RDH10: variants seen among roughly 807,000 people sequenced by gnomAD.
RDH10 encodes the protein retinol dehydrogenase 10.
In RDH10, 12 loss-of-function variants were observed where a neutral mutation model predicts 30.2. The ratio of observed to expected loss-of-function variants is 0.40; its 90% CI spans 0.25 to 0.64. RDH10 has a LOEUF of 0.64. Among genes scored for constraint, RDH10 ranks in the 30% least tolerant of loss-of-function variants. The probability of loss-of-function intolerance (pLI) is 0.43; values close to 1 mark genes in which losing one functional copy is unlikely to be tolerated. For synonymous variants in RDH10, 189 were observed against 172.2 expected (o/e 1.10, Z -0.76); for missense variants, 268 against 445.2 (o/e 0.60, Z 3.58).
intron 2 of RDH10, among the ~76,000 whole-genome samples, chr8:73,303,279 T>C (rs1774239226): frequency 6.6e-6 from 1 of 152,226 alleles, no homozygotes; most frequent in Admixed American, 6.5e-5. Context: ...ATCATTAATG[T>C]TTAGGTTCTT....
intron 2 of RDH10, among the ~76,000 whole-genome samples, chr8:73,306,807 A>G (rs554268410): frequency 6.6e-6 from 1 of 152,348 alleles, no homozygotes; most frequent in South Asian, 2.1e-4. Flanking sequence ...TCCTTCAAAT[A>G]GTTTAGTACT....
chr8:73,322,837 C>T (rs1045708258), intron 5 of RDH10, 27 bp downstream of exon 5: 16 of 1,613,982 alleles, frequency 9.9e-6, no homozygotes, highest in Admixed American at 1.7e-5. Flanking sequence ...CCCTCACTGA[C>T]TGGGTCTCTC....
Position 73,325,035 on chromosome 8 carries a change from C to T in RDH10, c.*1999C>T, listed in dbSNP as rs544494038. 3.9e-5 allele frequency: 6 copies of T among 152,256 alleles called. No individual in the cohort carries two copies. The highest frequency in any genetic ancestry group is 1.4e-4 in the African/African-American group (6 of 41,536). 9.4% of individuals were successfully genotyped at this position (152,256 alleles called of 1,614,324 possible). A position where few individuals can be genotyped will look rare whatever the true frequency, so the allele number is the denominator to read the frequency against. On this transcript the variant is annotated 3_prime_UTR_variant, in exon 6 of 6. Coordinates refer to ENST00000240285, the MANE Select transcript of RDH10 (RefSeq NM_172037.5). ...AGTACTCTGAAGGGTCTCAACAATG[C>T]CAGGTGGGGACAGATATACTCAGAG... is the stretch of plus-strand genomic sequence containing the variant.
chr8:73,297,945 A>G (rs1009165445), intron 2 of RDH10: 2 of 163,704 alleles, frequency 1.2e-5, no homozygotes, highest in African/African-American at 4.9e-5. Context: ...CTGTTGCAGG[A>G]CGCTTCGGGA....
At chr8:73,296,239 A>G (rs1563545729) in intron 1 of RDH10, among the ~76,000 whole-genome samples, 1 of 151,844 alleles carries the variant, frequency 6.6e-6, no homozygotes, top group Non-Finnish European at 1.5e-5. Flanking sequence ...CCTGAATCTG[A>G]GTTGTTTTTT....
chr8:73,306,358 G>A (rs1814463163), intron 2 of RDH10, among the ~76,000 whole-genome samples: 1 of 152,190 alleles, frequency 6.6e-6, no homozygotes, highest in African/African-American at 2.4e-5. Flanking sequence ...CTTCCCCAGT[G>A]TATTTCATTC....
intron 2 of RDH10, among the ~76,000 whole-genome samples, chr8:73,300,912 G>T (rs1814361049): frequency 6.6e-6 from 1 of 151,996 alleles, no homozygotes; most frequent in Admixed American, 6.5e-5. Flanking sequence ...ACTCATCTAA[G>T]GTTTTTCTTT....
At chr8:73,305,231 CAT>C (rs1814446843) in intron 2 of RDH10, among the ~76,000 whole-genome samples, 1 of 152,210 alleles carries the variant, frequency 6.6e-6, no homozygotes, top group Non-Finnish European at 1.5e-5. Context: ...TCTTCTCCTA[CAT>C]TTGTTTTTAC....
rs1390901288 is a variant in RDH10, at chr8:73,294,648, A to T, written c.-642A>T. On this transcript the variant is annotated 5_prime_UTR_variant, in exon 1 of 6. Transcript: ENST00000240285. ...GACTTGCAAGCGGGCTGCGCTGCGG[A>T]GCCCAGTGCCCGAGTGACACCCGCG... The T allele has an allele frequency of 3.5e-5, 12 of 341,264 alleles. No individual in the cohort carries two copies. The highest frequency in any genetic ancestry group is 5.3e-5 in the Non-Finnish European group (10 of 190,116). The allele number at this position is 341,264 out of a possible 1,614,324, so 21.1% of individuals were successfully genotyped here.
Position 73,295,801 on chromosome 8 carries a change from C to T in RDH10, c.289+223C>T, listed in dbSNP as rs531369770. ...TGCCCTGTCCTCGCGGAGGTTCGGT[C>T]TCTGGGGACCACGGCGGGGGGAGGG... On this transcript the variant is annotated intron_variant, in intron 1 of 5. Coordinates refer to ENST00000240285, the MANE Select transcript of RDH10 (RefSeq NM_172037.5). The T allele has an allele frequency of 4.0e-3, 4,510 of 1,141,266 alleles. 23 individuals are homozygous for T. The highest frequency in any genetic ancestry group is 4.2e-3 in the Non-Finnish European group (3,726 of 884,266). The allele number at this position is 1,141,266 out of a possible 1,614,324, so 70.7% of individuals were successfully genotyped here.
At chr8:73,301,459 A>G (rs1433867348) in intron 2 of RDH10, among the ~76,000 whole-genome samples, 1 of 152,046 alleles carries the variant, frequency 6.6e-6, no homozygotes, top group Non-Finnish European at 1.5e-5. Flanking sequence ...CTGAAGTTTT[A>G]AAAGGTAAGC....
intron 1 of RDH10, 123 bp downstream of exon 1, chr8:73,295,701 C>A: frequency 9.3e-7 from 1 of 1,070,616 alleles, no homozygotes; most frequent in Non-Finnish European, 1.3e-6. Context: ...AACACCCCAC[C>A]GGTCTTTTGG....
At chr8:73,320,454 T>G in intron 3 of RDH10, among the ~76,000 whole-genome samples, 1 of 128,506 alleles carries the variant, frequency 7.8e-6, no homozygotes. Flanking sequence ...TTTTTTTGTT[T>G]TTGTTTTTGT....
chr8:73,315,680 T>G (rs1814649629), intron 2 of RDH10: 1 of 430,856 alleles, frequency 2.3e-6, no homozygotes, highest in Non-Finnish European at 4.7e-6. Flanking sequence ...GAGTTTCTAG[T>G]CAGAGCCAGC....
intron 3 of RDH10, among the ~76,000 whole-genome samples, chr8:73,320,235 G>T (rs1814741601): frequency 1.3e-5 from 2 of 152,132 alleles, no homozygotes. Context: ...TACTGAACAA[G>T]AGACCATTTG....
intron 2 of RDH10, among the ~76,000 whole-genome samples, chr8:73,316,916 T>C (rs1243057284): frequency 6.6e-6 from 1 of 151,992 alleles, no homozygotes; most frequent in African/African-American, 2.4e-5. Context: ...ACATGAAAAA[T>C]CACTCCCATG....
Position 73,295,375 on chromosome 8 carries a change from C to T in RDH10, c.86C>T (p.Pro29Leu), listed in dbSNP as rs1168223467. The T allele has an allele frequency of 6.4e-7, 1 of 1,558,320 alleles. No homozygotes were observed. Among genetic ancestry groups the T allele is most frequent in the Non-Finnish European group, 8.7e-7 (1 of 1,152,968 alleles). ...GCCGCGGCGCGCTGGCTGGTGCGGC[C>T]CAAGGAGAAGAGCGTGGCGGGCCAG... ...VLAAARWLVRPKEKSVAGQVC... is the reference protein window; with the variant it reads ...VLAAARWLVRLKEKSVAGQVC... The change falls in exon 1 of 6, where the codon CCC becomes CTC. Residue 29 changes from proline (P) to leucine (L), a missense_variant. Pro to Leu is a moderately conservative substitution (Grantham distance 98). Coordinates refer to ENST00000240285, the MANE Select transcript of RDH10 (RefSeq NM_172037.5).
At position 73,297,473 on chromosome 8, in the gene RDH10, T is replaced by G. The variant is rs1814287766; in HGVS notation, c.525+44T>G. On this transcript the variant is annotated intron_variant, in intron 2 of 5. Transcript: ENST00000240285. ...GTTTTCTTTGCTGGGCCCTCCTTAA[T>G]GAGAAGGTTGGGAAGGGGAGAGACT... The G allele has an allele frequency of 2.1e-6, 3 of 1,399,610 alleles. No individual in the cohort carries two copies. The South Asian group carries it at 3.5e-5, about 16-fold the overall frequency. The allele number at this position is 1,399,610 out of a possible 1,614,324, so 86.7% of individuals were successfully genotyped here. A position where few individuals can be genotyped will look rare whatever the true frequency, so the allele number is the denominator to read the frequency against.
rs981015658 is a variant in RDH10 at position 73,324,787 on chromosome 8, A to C, written c.*1751A>C. 6.6e-6 allele frequency: 1 copy of C among 152,238 alleles called. No homozygotes were observed. The highest frequency in any genetic ancestry group is 1.5e-5 in the Non-Finnish European group (1 of 68,042). 9.4% of individuals were successfully genotyped at this position (152,238 alleles called of 1,614,324 possible). ...TGTTTGTACCAAAAGTGGGGAAACA[A>C]TGCCATGACCTGTGTTTTAGTTTGG... On this transcript the variant is annotated 3_prime_UTR_variant, in exon 6 of 6. Coordinates refer to ENST00000240285, the MANE Select transcript of RDH10 (RefSeq NM_172037.5).
Sources: gnomAD v4.1 joint callset for allele counts (sites outside exome capture counted in the v4.1 genomes callset) on GRCh38, gnomAD v4.1.1 for gene constraint, MANE v1.5 for transcripts, NCBI Gene and HGNC (gene_info 2026-07-23, HGNC 2026-07-21) for gene names.